AUTS2: variants seen among roughly 807,000 people sequenced by gnomAD.
AUTS2 encodes activator of transcription and developmental regulator AUTS2.
In AUTS2, 17 loss-of-function variants were observed where a neutral mutation model predicts 112.4. The ratio of observed to expected loss-of-function variants is 0.15; its 90% CI spans 0.10 to 0.23. The LOEUF is 0.23. Among genes scored for constraint, AUTS2 ranks in the 10% least tolerant of loss-of-function variants. The probability of loss-of-function intolerance (pLI) is 1.00; values close to 1 mark genes in which losing one functional copy is unlikely to be tolerated. For missense variants in AUTS2, 1,510 were observed against 1,701.6 expected (o/e 0.89, Z 1.98); for synonymous variants, 751 against 702.7 (o/e 1.07, Z -1.09).
chr7:70,205,018 T>G (rs1316218650), intron 4 of AUTS2, among the ~76,000 whole-genome samples: 2 of 152,162 alleles, frequency 1.3e-5, no homozygotes. Context: ...CAGCAGATAC[T>G]AAGAAGTATC....
intron 1 of AUTS2, among the ~76,000 whole-genome samples, chr7:69,616,247 G>T (rs893266376): frequency 6.6e-6 from 1 of 152,072 alleles, no homozygotes; most frequent in Non-Finnish European, 1.5e-5. Flanking sequence ...TTTTATTTGG[G>T]GGTCATTTAG....
intron 11 of AUTS2, 55 bp downstream of exon 11, chr7:70,771,699 C>A (rs1188250742): frequency 5.3e-6 from 8 of 1,516,802 alleles, no homozygotes; most frequent in Non-Finnish European, 7.3e-6. Context: ...GCGTCCCGGG[C>A]CAGGCGTGCA....
At chr7:70,548,440 T>C (rs534856549) in intron 5 of AUTS2, among the ~76,000 whole-genome samples, 1 of 143,470 alleles carries the variant, frequency 7.0e-6, no homozygotes, top group African/African-American at 2.7e-5. Flanking sequence ...AGTTTATCAG[T>C]TTTTTTTTTA....
At chr7:70,307,659 A>G (rs543603424) in intron 4 of AUTS2, among the ~76,000 whole-genome samples, 2 of 152,324 alleles carry the variant, frequency 1.3e-5, no homozygotes, top group South Asian at 2.1e-4. Flanking sequence ...GGCCAAGATC[A>G]CCAAGTTATG....
At chr7:70,051,238 C>T (rs1222366179) in intron 2 of AUTS2, among the ~76,000 whole-genome samples, 7 of 152,102 alleles carry the variant, frequency 4.6e-5, no homozygotes, top group Admixed American at 4.6e-4. Flanking sequence ...TATCTTAAGG[C>T]CTAAACTGAC....
At chr7:70,304,717 CTTTTTT>C (rs11464532) in intron 4 of AUTS2, among the ~76,000 whole-genome samples, 1 of 101,324 alleles carries the variant, frequency 9.9e-6, no homozygotes, top group African/African-American at 3.8e-5. Context: ...GGATTTTTAA[CTTTTTT>C]TTTTTTTTTT....
rs941064153 is a variant in AUTS2, at chr7:70,782,143, C to T, written c.2146+387C>T. 7 of 173,240 alleles carry T rather than the reference C, an allele frequency of 4.0e-5. No homozygotes were observed. The East Asian group carries it at 7.0e-4, about 17-fold the overall frequency. 10.7% of individuals were successfully genotyped at this position (173,240 alleles called of 1,614,324 possible). On this transcript the variant is annotated intron_variant, in intron 15 of 18. Coordinates refer to ENST00000342771, the MANE Select transcript of AUTS2 (RefSeq NM_015570.4). ...ATGCGGTCGCCCTTAATACGGTGCC[C>T]GCAGAGCACTGTAATTTTGCACCGG...
chr7:70,221,351 A>G (rs1029870328), intron 4 of AUTS2, among the ~76,000 whole-genome samples: 1 of 152,192 alleles, frequency 6.6e-6, no homozygotes, highest in African/African-American at 2.4e-5. Context: ...GTTGGCTTAT[A>G]GTTTTTCTTC....
intron 15 of AUTS2, chr7:70,783,571 T>C (rs146585777): frequency 6.6e-6 from 1 of 152,390 alleles, no homozygotes; most frequent in East Asian, 1.9e-4. Context: ...GAACAGTTTT[T>C]AGTAAATTCT....
At chr7:69,627,472 CAA>C (rs1169665171) in intron 1 of AUTS2, among the ~76,000 whole-genome samples, 2 of 151,718 alleles carry the variant, frequency 1.3e-5, no homozygotes, top group Admixed American at 6.6e-5. Flanking sequence ...ACCTGGACAA[CAA>C]GAGTGAAACG....
At chr7:70,559,972 C>T (rs1056856917) in intron 5 of AUTS2, among the ~76,000 whole-genome samples, 2 of 152,200 alleles carry the variant, frequency 1.3e-5, no homozygotes, top group Non-Finnish European at 2.9e-5. Context: ...GAACAAAGGT[C>T]TTTCCCCTGC....
intron 4 of AUTS2, among the ~76,000 whole-genome samples, chr7:70,233,380 A>G (rs557530986): frequency 1.2e-4 from 18 of 152,298 alleles, no homozygotes; most frequent in South Asian, 8.3e-4. Flanking sequence ...ATGGTATAGG[A>G]ACTGTATACG....
chr7:69,626,075 C>T (rs568329123), intron 1 of AUTS2, among the ~76,000 whole-genome samples: 9 of 152,096 alleles, frequency 5.9e-5, no homozygotes, highest in African/African-American at 1.7e-4. Flanking sequence ...TTGACAGAAA[C>T]GAGAGGGTGT....
At chr7:69,821,917 A>C (rs1287068299) in intron 1 of AUTS2, among the ~76,000 whole-genome samples, 9 of 65,006 alleles carry the variant, frequency 1.4e-4, no homozygotes, top group African/African-American at 2.6e-4. Context: ...CAGGGTCTCC[A>C]AAAAAAAAAA....
chr7:70,310,220 T>C (rs998407402), intron 4 of AUTS2, among the ~76,000 whole-genome samples: 2 of 151,980 alleles, frequency 1.3e-5, no homozygotes, highest in Non-Finnish European at 2.9e-5. Flanking sequence ...TGACAGTGAT[T>C]GGAGGCTTCT....
In AUTS2 at chr7:69,875,373, G is replaced by A. The variant is rs569307607; in HGVS notation, c.310-23913G>A. On this transcript the variant is annotated intron_variant, in intron 1 of 18. Transcript: ENST00000342771. ...TAACTTTGATCTTTTTTTCTTCTGT[G>A]GTTCAGAAGAGAAATTATTTGTTTC... Among the ~76,000 whole-genome samples, 16 of 152,018 alleles carry A rather than the reference G, an allele frequency of 1.1e-4. No individual in the cohort carries two copies. The East Asian group carries it at 3.1e-3, about 29-fold the overall frequency.
At chr7:70,625,192 A>G (rs1804873953) in intron 5 of AUTS2, among the ~76,000 whole-genome samples, 1 of 152,152 alleles carries the variant, frequency 6.6e-6, no homozygotes, top group African/African-American at 2.4e-5. Flanking sequence ...AGTACATTTT[A>G]TCCAACTAGG....
At chr7:69,661,440 C>T (rs1360322124) in intron 1 of AUTS2, among the ~76,000 whole-genome samples, 1 of 152,182 alleles carries the variant, frequency 6.6e-6, no homozygotes, top group Non-Finnish European at 1.5e-5. Flanking sequence ...TTCCAGTGAT[C>T]ATTGCCTTCT....
intron 6 of AUTS2, among the ~76,000 whole-genome samples, chr7:70,731,991 A>G (rs115981810): frequency 0.015 from 2,304 of 152,296 alleles, 61 homozygotes; most frequent in African/African-American, 0.053. Context: ...TTATCTAATC[A>G]GCTCTTCAGA....
Sources: allele counts gnomAD v4.1 joint callset (sites outside exome capture counted in the v4.1 genomes callset), GRCh38; gene constraint gnomAD v4.1.1; transcripts MANE v1.5; gene names NCBI Gene and HGNC (gene_info 2026-07-23, HGNC 2026-07-21).